PSEN2: variants seen among roughly 807,000 people sequenced by gnomAD.
PSEN2 encodes the protein presenilin 2.
In PSEN2, 32 loss-of-function variants were observed where a neutral mutation model predicts 49.1. That is an observed-to-expected ratio of 0.65 (90% confidence interval 0.49 to 0.88). PSEN2 has a LOEUF of 0.88. Among genes scored for constraint, PSEN2 ranks in the 40% least tolerant of loss-of-function variants. PSEN2 has a pLI of 0.00. For missense variants in PSEN2, 522 were observed against 586.9 expected (o/e 0.89, Z 1.14); for synonymous variants, 255 against 244.0 (o/e 1.05, Z -0.42).
At chr1:226,879,571 C>T (rs149375801) in intron 3 of PSEN2, among the ~76,000 whole-genome samples, 1 of 152,208 alleles carries the variant, frequency 6.6e-6, no homozygotes, top group Non-Finnish European at 1.5e-5. Context: ...TCGATATTAT[C>T]AGGATAGGTT....
intron 6 of PSEN2, among the ~76,000 whole-genome samples, chr1:226,887,126 G>A (rs2102680419): frequency 6.6e-6 from 1 of 152,250 alleles, no homozygotes; most frequent in South Asian, 2.1e-4. Flanking sequence ...CCCCACTGCG[G>A]GCAGTAGGTG....
At chr1:226,899,215 T>C (rs1219606097), downstream of PSEN2, 1 of 152,238 alleles carries the variant, frequency 6.6e-6, no homozygotes, top group East Asian at 1.9e-4. Flanking sequence ...CTCAAGGTTT[T>C]CTAAATTTTT....
chr1:226,893,896 G>T (rs1661923189), intron 11 of PSEN2, 111 bp from the exon 12 acceptor site: 5 of 895,094 alleles, frequency 5.6e-6, no homozygotes, highest in Non-Finnish European at 9.4e-6. Flanking sequence ...GAGGCCAGGT[G>T]GGGTGGGCTG....
chr1:226,873,119 G>A (rs1289992210), intron 2 of PSEN2, among the ~76,000 whole-genome samples: 2 of 152,108 alleles, frequency 1.3e-5, no homozygotes, highest in Non-Finnish European at 1.5e-5. Context: ...GGAGGTTGCA[G>A]TGAGCCGAGA....
downstream of PSEN2, among the ~76,000 whole-genome samples, chr1:226,900,635 G>C (rs2102704155): frequency 6.6e-6 from 1 of 152,308 alleles, no homozygotes; most frequent in Admixed American, 6.5e-5. Context: ...GGGAGGAAGG[G>C]TCCGGTCTGA....
At chr1:226,895,329 C>G (rs886727994) in intron 12 of PSEN2, 95 bp from the exon 13 acceptor site, 2 of 1,461,956 alleles carry the variant, frequency 1.4e-6, no homozygotes, top group Non-Finnish European at 1.9e-6. Context: ...GACTGGTCCT[C>G]GAACAAGCTC....
At chr1:226,877,960 T>C (rs1660740097) in intron 3 of PSEN2, among the ~76,000 whole-genome samples, 1 of 152,216 alleles carries the variant, frequency 6.6e-6, no homozygotes, top group South Asian at 2.1e-4. Context: ...TCTAGCGCAG[T>C]GTCACATGGA....
At chr1:226,888,259 C>T in intron 7 of PSEN2, 101 bp downstream of exon 7, 2 of 1,118,684 alleles carry the variant, frequency 1.8e-6, no homozygotes, top group Non-Finnish European at 2.7e-6. Context: ...GACCATCGAG[C>T]TCCAGTCTTC....
At chr1:226,901,617 C>T (rs758187956), downstream of PSEN2, among the ~76,000 whole-genome samples, 18 of 151,912 alleles carry the variant, frequency 1.2e-4, no homozygotes, top group South Asian at 8.3e-4. Context: ...GGTGTCTCTT[C>T]GTGGCTTTGA....
chr1:226,873,864 C>T (rs1660460957), intron 2 of PSEN2, among the ~76,000 whole-genome samples: 1 of 152,154 alleles, frequency 6.6e-6, no homozygotes, highest in Admixed American at 6.5e-5. Context: ...TTATTGAGTA[C>T]TCATGGAAAA....
chr1:226,898,856 C>T (rs1662231192), downstream of PSEN2: 1 of 152,182 alleles, frequency 6.6e-6, no homozygotes, highest in African/African-American at 2.4e-5. Flanking sequence ...CCTCGTGATC[C>T]ACCCGCCTCG....
At chr1:226,871,718 C>G (rs1014159464) in intron 2 of PSEN2, among the ~76,000 whole-genome samples, 1 of 152,270 alleles carries the variant, frequency 6.6e-6, no homozygotes, top group Admixed American at 6.5e-5. Context: ...GTAGCCAATT[C>G]TGCAGACACC....
At chr1:226,897,646 A>G (rs2102701672), downstream of PSEN2, 1 of 155,390 alleles carries the variant, frequency 6.4e-6, no homozygotes, top group African/African-American at 2.4e-5. Flanking sequence ...GAACAAGAGC[A>G]GGGTACTGGT....
rs766853710 is a variant in PSEN2, at chr1:226,881,945, T to C, written c.38T>C (p.Val13Ala). The C allele has an allele frequency of 1.2e-6, 2 of 1,613,960 alleles. No individual in the cohort carries two copies. The highest frequency in any genetic ancestry group is 1.7e-6 in the Non-Finnish European group (2 of 1,179,944). The change falls in exon 4 of 13, where the codon GTG becomes GCG. Residue 13 changes from valine (V) to alanine (A), a missense_variant. Coordinates refer to ENST00000366783, the MANE Select transcript of PSEN2 (RefSeq NM_000447.3). Reference protein sequence around the residue: ...TFMASDSEEEVCDERTSLMSA... With the variant: ...TFMASDSEEEACDERTSLMSA... ...ATGGCCTCTGACAGCGAGGAAGAAG[T>C]GTGTGATGAGCGGACGTCCCTAATG...
At chr1:226,899,042 CA>C (rs1380987834), downstream of PSEN2, 1 of 152,154 alleles carries the variant, frequency 6.6e-6, no homozygotes, top group Non-Finnish European at 1.5e-5. Flanking sequence ...TAATTATATG[CA>C]TTGCAAATGT....
At chr1:226,877,515 TC>T (rs991323011) in intron 3 of PSEN2, among the ~76,000 whole-genome samples, 5 of 152,204 alleles carry the variant, frequency 3.3e-5, no homozygotes, top group African/African-American at 1.2e-4. Context: ...ATTCAGCATT[TC>T]CTAAGTTGGT....
intron 3 of PSEN2, chr1:226,880,830 C>T: frequency 6.4e-7 from 1 of 1,560,544 alleles, no homozygotes; most frequent in Non-Finnish European, 8.7e-7. Flanking sequence ...TCCCCTGGGT[C>T]CCGCCCTCAG....
At chr1:226,895,122 C>G (rs893241796) in intron 12 of PSEN2, among the ~76,000 whole-genome samples, 4 of 152,190 alleles carry the variant, frequency 2.6e-5, no homozygotes, top group African/African-American at 9.7e-5. Context: ...CTTACCATCC[C>G]ATGTGACCAC....
intron 12 of PSEN2, among the ~76,000 whole-genome samples, chr1:226,894,536 C>T (rs1189980162): frequency 6.6e-6 from 1 of 152,246 alleles, no homozygotes; most frequent in Non-Finnish European, 1.5e-5. Flanking sequence ...TTTTCCCCCT[C>T]CTCCATGCCA....
Sources: gnomAD v4.1 joint callset for allele counts (sites outside exome capture counted in the v4.1 genomes callset) on GRCh38, gnomAD v4.1.1 for gene constraint, MANE v1.5 for transcripts, NCBI Gene and HGNC (gene_info 2026-07-23, HGNC 2026-07-21) for gene names.